The following UBE2B variants were observed in gnomAD, a reference collection of about 807,000 sequenced individuals.
UBE2B encodes ubiquitin conjugating enzyme E2 B.
Under a neutral mutation model 24.6 loss-of-function variants are expected in UBE2B, and 11 were observed. The observed-to-expected ratio is 0.45, with a 90% CI of 0.28 to 0.74. The LOEUF is 0.74. UBE2B is among the 30% of genes least tolerant of loss of function. The probability of loss-of-function intolerance (pLI) is 0.13; values close to 1 mark genes in which losing one functional copy is unlikely to be tolerated. For missense variants in UBE2B, 78 were observed against 185.6 expected, an observed-to-expected ratio of 0.42 and a Z score of 3.37; for synonymous variants, 68 against 62.4, an observed-to-expected ratio of 1.09 and a Z score of -0.42.
chr5:134,384,629 T>C (rs1758766782), intron 4 of UBE2B, among the ~76,000 whole-genome samples: 1 of 152,222 alleles, frequency 6.6e-6, no homozygotes, highest in African/African-American at 2.4e-5. Flanking sequence ...ATTTATAGCA[T>C]GGTTTCCCTT....
chr5:134,386,959 CTT>C (rs1159258859), intron 4 of UBE2B, among the ~76,000 whole-genome samples: 47 of 133,212 alleles, frequency 3.5e-4, no homozygotes, highest in Admixed American at 4.6e-4. Context: ...TAGTTTTTCA[CTT>C]TTTTTTTTTT....
intron 4 of UBE2B, among the ~76,000 whole-genome samples, chr5:134,387,959 T>C (rs1758833317): frequency 6.6e-6 from 1 of 152,092 alleles, no homozygotes; most frequent in Admixed American, 6.6e-5. Context: ...TGTGCCACCA[T>C]GCCCGGCTAA....
chr5:134,379,496 A>C (rs1758668902), intron 3 of UBE2B, among the ~76,000 whole-genome samples: 1 of 151,976 alleles, frequency 6.6e-6, no homozygotes, highest in Admixed American at 6.6e-5. Flanking sequence ...AAATACAAAA[A>C]TGAGCCAGGC....
Position 134,374,370 on chromosome 5 carries a change from G to C in UBE2B, c.45-13G>C. On this transcript the variant is annotated splice_polypyrimidine_tract_variant and intron_variant, in intron 1 of 5. Coordinates refer to ENST00000265339, the MANE Select transcript of UBE2B (RefSeq NM_003337.4). ...AATGTTCAACTTTTTAAATTACCACGCTGGATTTCCAGGTTACAAGAGGAC... is the reference window on the plus strand; with the variant it reads ...AATGTTCAACTTTTTAAATTACCACCCTGGATTTCCAGGTTACAAGAGGAC... The C allele has an allele frequency of 1.9e-6, 3 of 1,552,270 alleles. No individual in the cohort carries two copies. The highest frequency in any genetic ancestry group is 2.6e-6 in the Non-Finnish European group (3 of 1,147,214).
At chr5:134,371,674 C>T in intron 1 of UBE2B, 35 bp downstream of exon 1, 2 of 1,613,026 alleles carry the variant, frequency 1.2e-6, no homozygotes, top group Non-Finnish European at 1.7e-6. Context: ...ATGACGGCCC[C>T]TCAAAGCTGC....
intron 1 of UBE2B, among the ~76,000 whole-genome samples, chr5:134,372,022 C>T (rs1427285243): frequency 1.3e-5 from 2 of 152,240 alleles, no homozygotes; most frequent in Non-Finnish European, 2.9e-5. Flanking sequence ...GCTTGTTCCT[C>T]TCCGGCAGCA....
chr5:134,381,355 A>G (rs1758706761), intron 4 of UBE2B, among the ~76,000 whole-genome samples: 1 of 152,164 alleles, frequency 6.6e-6, no homozygotes, highest in African/African-American at 2.4e-5. Flanking sequence ...TCCTGGGTTC[A>G]AGTAATCCTC....
chr5:134,387,238 G>A (rs1758821604), intron 4 of UBE2B, among the ~76,000 whole-genome samples: 1 of 152,166 alleles, frequency 6.6e-6, no homozygotes, highest in Non-Finnish European at 1.5e-5. Context: ...GATTATGGGT[G>A]TGAGCCACTG....
chr5:134,371,653 C>T lies in UBE2B; in HGVS notation c.44+14C>T, dbSNP rs763903208. The T allele has an allele frequency of 6.2e-7, 1 of 1,613,372 alleles. No individual in the cohort carries two copies. The highest frequency in any genetic ancestry group is 1.1e-5 in the South Asian group (1 of 91,074). On this transcript the variant is annotated intron_variant, in intron 1 of 5. Coordinates refer to ENST00000265339, the MANE Select transcript of UBE2B (RefSeq NM_003337.4). ...GGATTTCAAGCGGTAAGGGCCTTCA[C>T]CTTCGCCTAGATGACGGCCCCTCAA...
rs1273155160 is a variant in UBE2B at position 134,390,361 on chromosome 5, C to T, written c.*8C>T. ...AGCTGGAATGATTCATAATAGACAACTGGTCTGTTAATCTTTTTCATCATT... is the reference window on the plus strand; with the variant it reads ...AGCTGGAATGATTCATAATAGACAATTGGTCTGTTAATCTTTTTCATCATT... On this transcript the variant is annotated 3_prime_UTR_variant, in exon 6 of 6. Coordinates refer to ENST00000265339, the MANE Select transcript of UBE2B (RefSeq NM_003337.4). This position sits in a 1 kb window ranked among gnomAD's most constrained non-coding sequence, Gnocchi z 4.6. The T allele has an allele frequency of 1.9e-6, 3 of 1,613,728 alleles. No homozygotes were observed. The highest frequency in any genetic ancestry group is 2.5e-6 in the Non-Finnish European group (3 of 1,179,766).
chr5:134,374,563 A>G, intron 2 of UBE2B, 100 bp downstream of exon 2: 2 of 1,295,282 alleles, frequency 1.5e-6, no homozygotes, highest in Non-Finnish European at 2.2e-6. Flanking sequence ...GTGGAATGAG[A>G]GATCTTAAGG....
intron 4 of UBE2B, among the ~76,000 whole-genome samples, chr5:134,384,048 A>G (rs1581324660): frequency 6.6e-6 from 1 of 152,270 alleles, no homozygotes; most frequent in East Asian, 1.9e-4. Flanking sequence ...CATCTATTAC[A>G]TTTATATTTC....
At chr5:134,372,335 A>G (rs35622398) in intron 1 of UBE2B, among the ~76,000 whole-genome samples, 1 of 152,264 alleles carries the variant, frequency 6.6e-6, no homozygotes, top group African/African-American at 2.4e-5. Context: ...GTCTGGAAAA[A>G]TGCCTTCCCT....
chr5:134,371,842 C>T (rs1297718527), intron 1 of UBE2B, among the ~76,000 whole-genome samples: 2 of 152,334 alleles, frequency 1.3e-5, no homozygotes, highest in East Asian at 3.9e-4. Flanking sequence ...TTTGATACTG[C>T]TTCCCCTCCC....
intron 2 of UBE2B, among the ~76,000 whole-genome samples, chr5:134,375,784 C>T (rs912634824): frequency 1.2e-4 from 14 of 113,780 alleles, no homozygotes; most frequent in Non-Finnish European, 2.1e-4. Context: ...TGGGCGACAG[C>T]GAGACTCCGT....
At chr5:134,384,226 T>A (rs1248597343) in intron 4 of UBE2B, among the ~76,000 whole-genome samples, 1 of 152,168 alleles carries the variant, frequency 6.6e-6, no homozygotes, top group African/African-American at 2.4e-5. Context: ...CAGAATACAT[T>A]ATAGAGCTCC....
intron 1 of UBE2B, 151 bp downstream of exon 1, chr5:134,371,790 A>G (rs1758437562): frequency 2.5e-6 from 3 of 1,207,960 alleles, no homozygotes; most frequent in Admixed American, 2.3e-5. Context: ...CCTCGGCCCT[A>G]CTCCCATAAG....
chr5:134,377,867 A>G (rs546774317), intron 3 of UBE2B, among the ~76,000 whole-genome samples: 2 of 152,228 alleles, frequency 1.3e-5, no homozygotes, highest in Non-Finnish European at 1.5e-5. Context: ...GCACCAAACC[A>G]TACTAATAGT....
chr5:134,379,179 T>G (rs564378043), intron 3 of UBE2B, among the ~76,000 whole-genome samples: 1 of 152,110 alleles, frequency 6.6e-6, no homozygotes, highest in Non-Finnish European at 1.5e-5. Context: ...TACAAAACCA[T>G]GAATGGGTAA....
Sources: allele counts gnomAD v4.1 joint callset (sites outside exome capture counted in the v4.1 genomes callset), GRCh38; gene constraint gnomAD v4.1.1; non-coding constraint Gnocchi (gnomAD v3.1); transcripts MANE v1.5; gene names NCBI Gene and HGNC (gene_info 2026-07-23, HGNC 2026-07-21).